SLIT3: variants seen among roughly 807,000 people sequenced by gnomAD.
SLIT3 encodes slit guidance ligand 3.
Under a neutral mutation model 184.0 loss-of-function variants are expected in SLIT3, and 68 were observed. The observed-to-expected ratio is 0.37, with a 90% CI of 0.30 to 0.45. SLIT3 has a LOEUF of 0.45. Among genes scored for constraint, SLIT3 ranks in the 20% least tolerant of loss-of-function variants. SLIT3 has a pLI of 1.00. For missense variants in SLIT3, 1,707 were observed against 2,026.0 expected (o/e 0.84, Z 3.02); for synonymous variants, 831 against 828.6 (o/e 1.00, Z -0.05).
chr5:169,297,989 T>C (rs1323319090), intron 1 of SLIT3, among the ~76,000 whole-genome samples: 1 of 152,168 alleles, frequency 6.6e-6, no homozygotes. Context: ...ATGCCAAATA[T>C]CCCCCAAGAG....
At chr5:169,185,908 C>G (rs1763318312) in intron 4 of SLIT3, among the ~76,000 whole-genome samples, 2 of 152,204 alleles carry the variant, frequency 1.3e-5, no homozygotes, top group Non-Finnish European at 1.5e-5. Flanking sequence ...TTTGGCTCAG[C>G]CAGTTACTGG....
intron 1 of SLIT3, among the ~76,000 whole-genome samples, chr5:169,252,249 T>C (rs561157354): frequency 2.0e-5 from 3 of 152,248 alleles, no homozygotes; most frequent in Non-Finnish European, 4.4e-5. Context: ...AGATAGAGTA[T>C]GTGCTTGGCA....
chr5:169,214,855 A>G (rs1373296916), intron 3 of SLIT3, among the ~76,000 whole-genome samples: 2 of 152,084 alleles, frequency 1.3e-5, no homozygotes, highest in Admixed American at 1.3e-4. Flanking sequence ...CATGATGTGC[A>G]ATCAATCGCT....
rs147563848 is a variant in SLIT3, at chr5:169,230,827, T to G, written c.341+13878A>C. 7.5e-3 allele frequency among the ~76,000 whole-genome samples: 1,102 copies of G among 146,468 alleles called. 19 individuals carry two copies. The highest frequency in any genetic ancestry group is 0.025 in the African/African-American group (1,030 of 41,184). ...TATCTGACTTTCAGATTTTTTCCTC[T>G]GCCAAAATAAAACTTTTTTTTTAAA... On this transcript the variant is annotated intron_variant, in intron 3 of 35. Transcript: ENST00000519560.
intron 4 of SLIT3, among the ~76,000 whole-genome samples, chr5:169,034,745 GA>G (rs1487792593): frequency 6.9e-6 from 1 of 145,948 alleles, no homozygotes; most frequent in Non-Finnish European, 1.5e-5. Context: ...CATTTCCTAT[GA>G]TTTTTTTTTT....
At chr5:169,046,096 T>C (rs571703848) in intron 4 of SLIT3, among the ~76,000 whole-genome samples, 1 of 152,134 alleles carries the variant, frequency 6.6e-6, no homozygotes, top group East Asian at 1.9e-4. Context: ...GACAAAGAAG[T>C]AGGAGACAGT....
intron 4 of SLIT3, among the ~76,000 whole-genome samples, chr5:169,065,272 C>T (rs1191299166): frequency 1.3e-5 from 2 of 152,218 alleles, no homozygotes; most frequent in East Asian, 3.8e-4. Context: ...ATTCAGTATT[C>T]ACCTTGGTGG....
At chr5:169,096,989 C>G (rs1759810941) in intron 4 of SLIT3, among the ~76,000 whole-genome samples, 1 of 152,154 alleles carries the variant, frequency 6.6e-6, no homozygotes, top group Non-Finnish European at 1.5e-5. Context: ...CATTTAAGTT[C>G]CTGGGGGTTG....
intron 4 of SLIT3, among the ~76,000 whole-genome samples, chr5:168,898,757 A>G (rs1407489258): frequency 5.3e-5 from 8 of 152,120 alleles, no homozygotes; most frequent in African/African-American, 1.9e-4. Context: ...GAGTCTTTTT[A>G]TCCTTCAATT....
At chr5:168,759,892 G>T (rs1317458130) in intron 16 of SLIT3, among the ~76,000 whole-genome samples, 1 of 152,180 alleles carries the variant, frequency 6.6e-6, no homozygotes, top group African/African-American at 2.4e-5. Flanking sequence ...GTGGGGTAAG[G>T]CAGAGGGGCC....
chr5:169,162,467 C>T (rs755945440), intron 4 of SLIT3, among the ~76,000 whole-genome samples: 1 of 152,214 alleles, frequency 6.6e-6, no homozygotes, highest in Non-Finnish European at 1.5e-5. Context: ...AAGCAACACA[C>T]AGTCATGCAG....
At chr5:168,908,100 C>T (rs938822467) in intron 4 of SLIT3, among the ~76,000 whole-genome samples, 1 of 151,292 alleles carries the variant, frequency 6.6e-6, no homozygotes, top group Non-Finnish European at 1.5e-5. Context: ...ATTTTATACC[C>T]TTTTATATCT....
In SLIT3 at chr5:168,994,623, C is replaced by CTTTTTTTT. The variant is rs66498923; in HGVS notation, c.414-111295_414-111288dup. ...ACATGTACCAGTGTCTGGCATTCTA[C>CTTTTTTTT]TTTTTTTTTTTTTTTTTTTTTTTTT... On this transcript the variant is annotated intron_variant, in intron 4 of 35. Coordinates refer to ENST00000519560, the MANE Select transcript of SLIT3 (RefSeq NM_003062.4). Among the ~76,000 whole-genome samples, 127 of 47,088 alleles carry CTTTTTTTT rather than the reference C, an allele frequency of 2.7e-3. 34 individuals carry two copies. Among genetic ancestry groups the CTTTTTTTT allele is most frequent in the Non-Finnish European group, 3.4e-3 (92 of 27,040 alleles). 30.9% of individuals were successfully genotyped at this position (47,088 alleles called of 152,430 possible). A position where few individuals can be genotyped will look rare whatever the true frequency, so the allele number is the denominator to read the frequency against.
intron 3 of SLIT3, among the ~76,000 whole-genome samples, chr5:169,204,223 C>T (rs1490565412): frequency 6.6e-6 from 1 of 151,998 alleles, no homozygotes; most frequent in African/African-American, 2.4e-5. Context: ...AACTGGTTAG[C>T]CAACTTCTGC....
intron 20 of SLIT3, among the ~76,000 whole-genome samples, chr5:168,737,528 T>A (rs1012142546): frequency 2.6e-5 from 4 of 152,202 alleles, no homozygotes; most frequent in Non-Finnish European, 4.4e-5. Flanking sequence ...AGACCCCGCA[T>A]CCTAATACAA....
chr5:168,951,987 C>T (rs547799450), intron 4 of SLIT3, among the ~76,000 whole-genome samples: 9 of 152,296 alleles, frequency 5.9e-5, no homozygotes, highest in Non-Finnish European at 7.4e-5. Flanking sequence ...CCATGCTTAC[C>T]GCCCTGGATC....
chr5:168,823,183 G>T, intron 7 of SLIT3, 77 bp downstream of exon 7: 1 of 1,119,216 alleles, frequency 8.9e-7, no homozygotes, highest in South Asian at 1.2e-5. Flanking sequence ...TGGTAGGTTT[G>T]ACAAGCAGCG....
intron 4 of SLIT3, among the ~76,000 whole-genome samples, chr5:169,193,012 G>T (rs1466448087): frequency 1.3e-5 from 2 of 152,172 alleles, no homozygotes; most frequent in Non-Finnish European, 2.9e-5. Context: ...CCAGACCCAG[G>T]GTTCCTAGAC....
chr5:169,297,000 G>A (rs1767522719), intron 1 of SLIT3, among the ~76,000 whole-genome samples: 1 of 152,112 alleles, frequency 6.6e-6, no homozygotes, highest in African/African-American at 2.4e-5. Context: ...TCTTTTTCCA[G>A]GCTGAGATTG....
Sources: gnomAD v4.1 joint callset for allele counts (sites outside exome capture counted in the v4.1 genomes callset) on GRCh38, gnomAD v4.1.1 for gene constraint, MANE v1.5 for transcripts, NCBI Gene and HGNC (gene_info 2026-07-23, HGNC 2026-07-21) for gene names.